FBP1: variants seen among roughly 807,000 people sequenced by gnomAD.
FBP1 encodes fructose-bisphosphatase 1.
FBP1 carries 22 observed loss-of-function variants against 29.9 expected under a neutral mutation model. That is an observed-to-expected ratio of 0.74 (90% CI 0.53 to 1.05). The LOEUF is 1.05. Ranked by LOEUF, FBP1 falls within the 50% of genes least tolerant of loss-of-function variation. FBP1 has a pLI of 0.00. For synonymous variants in FBP1, 175 were observed against 178.6 expected (o/e 0.98, Z 0.16); for missense variants, 345 against 448.2 (o/e 0.77, Z 2.08).
chr9:94,623,111 A>G (rs1827972152), intron 1 of FBP1, among the ~76,000 whole-genome samples: 1 of 151,832 alleles, frequency 6.6e-6, no homozygotes, highest in Non-Finnish European at 1.5e-5. Flanking sequence ...CACCCTCCTG[A>G]GTAGCTGGGA....
chr9:94,623,304 G>A (rs1303203323), intron 1 of FBP1, among the ~76,000 whole-genome samples: 1 of 152,184 alleles, frequency 6.6e-6, no homozygotes, highest in Non-Finnish European at 1.5e-5. Context: ...ACTCACTTCT[G>A]ATTCCGGAGG....
chr9:94,615,576 C>A (rs1018340453), intron 3 of FBP1, among the ~76,000 whole-genome samples: 6 of 152,160 alleles, frequency 3.9e-5, no homozygotes, highest in African/African-American at 1.4e-4. Flanking sequence ...ATGGTATGTT[C>A]CTTGGCATGA....
chr9:94,606,297 G>A (rs867137371), intron 5 of FBP1, among the ~76,000 whole-genome samples: 6 of 152,152 alleles, frequency 3.9e-5, no homozygotes, highest in African/African-American at 1.4e-4. Context: ...GAGATGTCAC[G>A]ATGGGCACTC....
chr9:94,624,641 G>A (rs934486073), intron 1 of FBP1, among the ~76,000 whole-genome samples: 2 of 152,008 alleles, frequency 1.3e-5, no homozygotes, highest in Non-Finnish European at 2.9e-5. Flanking sequence ...CAACAAGAGC[G>A]AAACGCTGTC....
intron 3 of FBP1, among the ~76,000 whole-genome samples, chr9:94,610,598 T>G (rs539650661): frequency 6.6e-6 from 1 of 152,360 alleles, no homozygotes; most frequent in Non-Finnish European, 1.5e-5. Flanking sequence ...AGAGTCATTA[T>G]GGGGTAGAGC....
intron 1 of FBP1, among the ~76,000 whole-genome samples, chr9:94,627,495 G>A (rs1828043098): frequency 6.6e-6 from 1 of 152,186 alleles, no homozygotes; most frequent in African/African-American, 2.4e-5. Flanking sequence ...CAGCAGCCTA[G>A]AGTCAATAGC....
chr9:94,632,493 C>T (rs1024535560), intron 1 of FBP1, among the ~76,000 whole-genome samples: 2 of 152,054 alleles, frequency 1.3e-5, no homozygotes, highest in African/African-American at 4.8e-5. Context: ...CATAGTGAAA[C>T]CCCGTCTCTA....
chr9:94,620,384 C>G lies in FBP1; in HGVS notation c.278G>C (p.Cys93Ser), dbSNP rs1827929098. The change falls in exon 2 of 7, where the codon TGT becomes TCT. Residue 93 changes from cysteine to serine, a missense_variant. Physicochemically the swap from Cys to Ser is moderately radical, Grantham distance 112. Transcript: ENST00000375326. ...MNMLKSSFAT[C>S]VLVSEEDKHA... ...TTTATCTTCTTCTGACACGAGAACA[C>G]ACGTGGCAAAGGATGACTTTAACAT... 1 of 1,614,098 alleles carries G rather than the reference C, an allele frequency of 6.2e-7. No individual in the cohort carries two copies. Among genetic ancestry groups the G allele is most frequent in the South Asian group, 1.1e-5 (1 of 91,088 alleles).
intron 4 of FBP1, among the ~76,000 whole-genome samples, chr9:94,609,412 A>G (rs1450464754): frequency 6.6e-6 from 1 of 152,244 alleles, no homozygotes; most frequent in Non-Finnish European, 1.5e-5. Context: ...CAGCCCCATC[A>G]GGTCCATAAA....
In FBP1 at chr9:94,603,506, T is replaced by C. The variant is rs765831449; in HGVS notation, c.892A>G (p.Thr298Ala). ...ACGTCTAACACGGCCTCCTTCCCAG[T>C]GGTGGCCATTCCCCCAGCCTTCTCC... ...VMEKAGGMAT[T>A]GKEAVLDVIP... The change falls in exon 7 of 7, where the codon ACT (threonine) becomes GCT (alanine). Residue 298 changes from threonine to alanine, a missense_variant. Physicochemically the swap from Thr to Ala is moderately conservative, Grantham distance 58. Transcript: ENST00000375326. The C allele has an allele frequency of 6.2e-7, 1 of 1,614,068 alleles. No individual in the cohort carries two copies. Among genetic ancestry groups the C allele is most frequent in the Non-Finnish European group, 8.5e-7 (1 of 1,179,912 alleles).
chr9:94,611,065 G>A (rs990921528), intron 3 of FBP1, among the ~76,000 whole-genome samples: 3 of 151,894 alleles, frequency 2.0e-5, no homozygotes, highest in Non-Finnish European at 4.4e-5. Context: ...GGGTTTCACC[G>A]TGTTAGCCAG....
Position 94,639,297 on chromosome 9 carries a change from GC to G in FBP1, c.13del (p.Ala5ArgfsTer10). ...GGTGTTGACGTCCGTGTCGAAGGGC[GC>G]CTGGTCAGCCATGCTTGAACCGGGT... Reference protein sequence around the residue: MADQAPFDTDVNTLT... With the variant: MADQXPFDTDVNTLT... On this transcript the variant is annotated frameshift_variant, in exon 1 of 7. Transcript: ENST00000375326. LOFTEE classifies it high-confidence loss of function. 2 of 1,607,190 alleles carry G rather than the reference GC, an allele frequency of 1.2e-6. No individual in the cohort carries two copies. The highest frequency in any genetic ancestry group is 1.7e-6 in the Non-Finnish European group (2 of 1,177,012).
intron 4 of FBP1, 30 bp from the exon 5 acceptor site, chr9:94,606,982 G>A (rs778413944): frequency 5.0e-6 from 8 of 1,613,884 alleles, no homozygotes; most frequent in Non-Finnish European, 5.9e-6. Context: ...AAGGTGGAGA[G>A]ATGACGAGCG....
At position 94,603,194 on chromosome 9, in the gene FBP1, A is replaced by T; in HGVS notation, c.*187T>A. 1.6e-6 allele frequency: 1 copy of T among 632,918 alleles called. No individual in the cohort carries two copies. Among genetic ancestry groups the T allele is most frequent in the Non-Finnish European group, 2.9e-6 (1 of 347,822 alleles). The allele number at this position is 632,918 out of a possible 1,614,324, so 39.2% of individuals were successfully genotyped here. On this transcript the variant is annotated 3_prime_UTR_variant, in exon 7 of 7. Transcript: ENST00000375326. ...TCCACTCAAAATATATCTTAACACC[A>T]GTGGCATTATGGAGACAGCATTTGG...
At chr9:94,604,897 C>T (rs981883796) in intron 6 of FBP1, among the ~76,000 whole-genome samples, 8 of 152,194 alleles carry the variant, frequency 5.3e-5, no homozygotes, top group South Asian at 2.1e-4. Flanking sequence ...TGAGGGAGCA[C>T]AGCCACCCTG....
chr9:94,627,188 CAAAA>C (rs764985242), intron 1 of FBP1, among the ~76,000 whole-genome samples: 2 of 112,758 alleles, frequency 1.8e-5, no homozygotes, highest in Non-Finnish European at 1.9e-5. Context: ...AACTCCATCT[CAAAA>C]AAAAAAAAAA....
At chr9:94,623,532 G>A (rs529510623) in intron 1 of FBP1, among the ~76,000 whole-genome samples, 5 of 152,322 alleles carry the variant, frequency 3.3e-5, no homozygotes, top group South Asian at 2.1e-4. Context: ...GGGACAGCTC[G>A]GGGGGCCGGG....
chr9:94,618,941 G>A (rs1482910616), intron 2 of FBP1, among the ~76,000 whole-genome samples: 2 of 152,170 alleles, frequency 1.3e-5, no homozygotes, highest in Non-Finnish European at 2.9e-5. Context: ...ACATCACTGG[G>A]AGTTTTCCAT....
intron 1 of FBP1, among the ~76,000 whole-genome samples, chr9:94,638,618 C>A (rs1828230794): frequency 1.1e-5 from 1 of 93,710 alleles, no homozygotes; most frequent in East Asian, 3.0e-4. Context: ...ACCTCCCAGC[C>A]TGCTTGCGGG....
Sources: allele counts gnomAD v4.1 joint callset (sites outside exome capture counted in the v4.1 genomes callset), GRCh38; gene constraint gnomAD v4.1.1; transcripts MANE v1.5; gene names NCBI Gene and HGNC (gene_info 2026-07-23, HGNC 2026-07-21).